The following CSMD1 variants were observed in gnomAD, a reference collection of about 807,000 sequenced individuals.
CSMD1 encodes CUB and Sushi multiple domains 1, also known as CUB and sushi domain-containing protein 1.
In CSMD1, 213 loss-of-function variants were observed where a neutral mutation model predicts 417.5. The observed-to-expected ratio is 0.51, with a 90% CI of 0.46 to 0.57. CSMD1 has a LOEUF of 0.57. CSMD1 is among the 20% of genes least tolerant of loss of function. The pLI is 0.00. For missense variants in CSMD1, 6,923 were observed against 4,529.7 expected (o/e 1.53, Z -15.17); for synonymous variants, 2,862 against 1,736.8 (o/e 1.65, Z -16.11).
intron 1 of CSMD1, among the ~76,000 whole-genome samples, chr8:4,831,895 C>A (rs1387800360): frequency 6.6e-6 from 1 of 151,926 alleles, no homozygotes; most frequent in East Asian, 1.9e-4. Context: ...GAGGAAGCAG[C>A]TGACACAAGC....
At chr8:4,455,317 T>C (rs2129878150) in intron 2 of CSMD1, among the ~76,000 whole-genome samples, 1 of 152,280 alleles carries the variant, frequency 6.6e-6, no homozygotes, top group East Asian at 1.9e-4. Flanking sequence ...GCAAAGAAGA[T>C]GATCACAAAT....
chr8:4,436,587 T>A (rs887281382), intron 2 of CSMD1, among the ~76,000 whole-genome samples: 1 of 152,152 alleles, frequency 6.6e-6, no homozygotes, highest in Non-Finnish European at 1.5e-5. Flanking sequence ...GTTGATTATA[T>A]CCATCCTGCT....
intron 3 of CSMD1, among the ~76,000 whole-genome samples, chr8:4,313,430 G>A (rs775640164): frequency 1.3e-5 from 2 of 150,298 alleles, no homozygotes; most frequent in African/African-American, 4.9e-5. Context: ...CGGGACCCCT[G>A]TGACATTTAA....
chr8:4,437,769 G>A (rs1281335752), intron 2 of CSMD1, among the ~76,000 whole-genome samples: 2 of 152,266 alleles, frequency 1.3e-5, no homozygotes, highest in Non-Finnish European at 1.5e-5. Flanking sequence ...TGAAGACAGA[G>A]ATCTTTGAGT....
At chr8:4,165,700 G>A (rs1452203489) in intron 3 of CSMD1, among the ~76,000 whole-genome samples, 1 of 152,170 alleles carries the variant, frequency 6.6e-6, no homozygotes, top group African/African-American at 2.4e-5. Flanking sequence ...ATCACACCCG[G>A]CCCAAGTATC....
chr8:4,938,721 C>T (rs76049850), intron 1 of CSMD1, among the ~76,000 whole-genome samples: 1 of 152,130 alleles, frequency 6.6e-6, no homozygotes, highest in African/African-American at 2.4e-5. Flanking sequence ...ATGATAAATT[C>T]GATCTGAAAT....
intron 7 of CSMD1, among the ~76,000 whole-genome samples, chr8:3,674,778 A>T (rs965893917): frequency 6.6e-6 from 1 of 152,194 alleles, no homozygotes; most frequent in Non-Finnish European, 1.5e-5. Flanking sequence ...AAAGGTAACT[A>T]TAGTTTTCAA....
rs144727789 is a variant in CSMD1, at chr8:3,132,594, C to T, written c.6241+9871G>A. 3.3e-5 allele frequency among the ~76,000 whole-genome samples: 5 copies of T among 152,230 alleles called. No homozygotes were observed. The East Asian group carries it at 9.7e-4, about 29-fold the overall frequency. On this transcript the variant is annotated intron_variant, in intron 41 of 69. Coordinates refer to ENST00000635120, the MANE Select transcript of CSMD1 (RefSeq NM_033225.6). The stretch of plus-strand genomic sequence containing the variant: ...GACTCTAGAAGACCAGAATATGCCA[C>T]CCCAAAACACACTTCTTTGGTATAT...
intron 7 of CSMD1, among the ~76,000 whole-genome samples, chr8:3,621,977 T>TTG (rs761885907): frequency 1.6e-4 from 20 of 124,834 alleles, no homozygotes; most frequent in African/African-American, 4.2e-4. Context: ...CTCTCTCTCT[T>TTG]TGTGTGTGTG....
chr8:4,304,153 T>G (rs757309794), intron 3 of CSMD1, among the ~76,000 whole-genome samples: 7 of 152,150 alleles, frequency 4.6e-5, no homozygotes, highest in African/African-American at 1.7e-4. Context: ...AATAAAACAA[T>G]TAGAAGGACA....
intron 3 of CSMD1, among the ~76,000 whole-genome samples, chr8:4,250,205 C>T (rs1802969739): frequency 2.0e-5 from 3 of 152,172 alleles, no homozygotes; most frequent in Admixed American, 2.0e-4. Flanking sequence ...AGTACCTGGT[C>T]TGTAGTATTT....
At chr8:3,287,429 T>C (rs549093525) in intron 25 of CSMD1, among the ~76,000 whole-genome samples, 17 of 152,204 alleles carry the variant, frequency 1.1e-4, no homozygotes, top group South Asian at 2.1e-4. Flanking sequence ...TCTTCCTACC[T>C]ATGAGCATGG....
chr8:4,915,579 G>T (rs955257305), intron 1 of CSMD1, among the ~76,000 whole-genome samples: 1 of 152,212 alleles, frequency 6.6e-6, no homozygotes, highest in Non-Finnish European at 1.5e-5. Context: ...GAGGGCAGGA[G>T]CAGGGACAGC....
chr8:3,502,779 G>C (rs990265014), intron 10 of CSMD1, among the ~76,000 whole-genome samples: 7 of 152,198 alleles, frequency 4.6e-5, no homozygotes, highest in Admixed American at 1.3e-4. Flanking sequence ...TGTTATAATG[G>C]TGGACACTGA....
intron 1 of CSMD1, among the ~76,000 whole-genome samples, chr8:4,969,929 G>C (rs556950937): frequency 1.8e-4 from 28 of 152,026 alleles, no homozygotes; most frequent in Non-Finnish European, 4.4e-5. Context: ...GTATACTACG[G>C]TTAAAACTGG....
chr8:3,687,963 C>A (rs1252560297), intron 7 of CSMD1, among the ~76,000 whole-genome samples: 2 of 152,198 alleles, frequency 1.3e-5, no homozygotes, highest in Non-Finnish European at 2.9e-5. Flanking sequence ...CCTTTTCCAT[C>A]ATCATATTTG....
In CSMD1 at chr8:3,020,616, C is replaced by A. The variant is rs185151840; in HGVS notation, c.7856-1966G>T. 1.1e-4 allele frequency among the ~76,000 whole-genome samples: 17 copies of A among 152,230 alleles called. No homozygotes were observed. The East Asian group carries it at 3.3e-3, about 29-fold the overall frequency. ...CTGGAACTCCTGGGCTCAGGCGAAT[C>A]CTCCCATCTTGGCCTTCCCAGAAGC... is the stretch of plus-strand genomic sequence containing the variant. On this transcript the variant is annotated intron_variant, in intron 51 of 69. Coordinates refer to ENST00000635120, the MANE Select transcript of CSMD1 (RefSeq NM_033225.6).
intron 3 of CSMD1, among the ~76,000 whole-genome samples, chr8:4,145,376 A>T (rs781003920): frequency 1.9e-4 from 29 of 151,142 alleles, no homozygotes; most frequent in Non-Finnish European, 3.7e-4. Flanking sequence ...TGTCCCAAAC[A>T]TTATATACTA....
At chr8:4,015,085 G>A (rs1796457347) in intron 4 of CSMD1, among the ~76,000 whole-genome samples, 1 of 152,134 alleles carries the variant, frequency 6.6e-6, no homozygotes, top group Non-Finnish European at 1.5e-5. Flanking sequence ...ATTGTTTATT[G>A]CAAAGTATGC....
Sources: gnomAD v4.1 joint callset for allele counts (sites outside exome capture counted in the v4.1 genomes callset) on GRCh38, gnomAD v4.1.1 for gene constraint, MANE v1.5 for transcripts, NCBI Gene and HGNC (gene_info 2026-07-23, HGNC 2026-07-21) for gene names.